The following CDKL4 variants were observed in gnomAD, a reference collection of about 807,000 sequenced individuals.
The protein encoded by CDKL4 is cyclin dependent kinase like 4.
A neutral mutation model predicts 42.0 loss-of-function variants in CDKL4; 44 were observed. That is an observed-to-expected ratio of 1.05 (90% CI 0.82 to 1.35). CDKL4 has a LOEUF of 1.35. Among genes scored for constraint, CDKL4 ranks in the 40% most tolerant of loss-of-function variants. The pLI, the probability that CDKL4 is intolerant of heterozygous loss-of-function variation, is 0.00. For missense variants in CDKL4, 393 were observed against 369.9 expected, an observed-to-expected ratio of 1.06 and a Z score of -0.51; for synonymous variants, 120 against 121.6, an observed-to-expected ratio of 0.99 and a Z score of 0.09.
In CDKL4 at chr2:39,201,541, T is replaced by G. The variant is rs542573592; in HGVS notation, c.454+2986A>C. Among the ~76,000 whole-genome samples the G allele has an allele frequency of 5.5e-4, 84 of 152,156 alleles. 1 individual carries two copies. In the South Asian group the frequency reaches 0.017, roughly 32 times the overall value. On this transcript the variant is annotated intron_variant, in intron 5 of 9. Coordinates refer to ENST00000451199, the Ensembl canonical transcript of CDKL4. The stretch of plus-strand genomic sequence containing the variant: ...ACACGCATGTTTACAGCAGCACATT[T>G]GCAATTGAAAAAATATGGAACCAGC...
intron 5 of CDKL4, among the ~76,000 whole-genome samples, chr2:39,199,057 C>CT (rs1275157491): frequency 6.6e-6 from 1 of 151,764 alleles, no homozygotes; most frequent in African/African-American, 2.4e-5. Flanking sequence ...AAATCTGGTT[C>CT]TTTGAAAAGA....
intron 3 of CDKL4, among the ~76,000 whole-genome samples, chr2:39,222,982 G>T (rs1439617147): frequency 6.6e-6 from 1 of 151,988 alleles, no homozygotes; most frequent in Non-Finnish European, 1.5e-5. Flanking sequence ...TATTTTAAAA[G>T]TAATATATGT....
At chr2:39,174,144 C>T (rs1675076301), downstream of CDKL4, among the ~76,000 whole-genome samples, 3 of 152,214 alleles carry the variant, frequency 2.0e-5, no homozygotes, top group South Asian at 6.2e-4. Flanking sequence ...TTGGCGCACT[C>T]CCGTAATCCC....
chr2:39,178,928 T>A, intron 9 of CDKL4: 3 of 1,448,332 alleles, frequency 2.1e-6, no homozygotes, highest in Non-Finnish European at 2.7e-6. Context: ...GGGTGGGATA[T>A]CCAATCAGAG....
At chr2:39,171,179 C>A (rs1045764747), downstream of CDKL4, among the ~76,000 whole-genome samples, 19 of 150,032 alleles carry the variant, frequency 1.3e-4, no homozygotes, top group African/African-American at 4.4e-4. Flanking sequence ...GTGGAGGCTG[C>A]AGTTAGCTGA....
chr2:39,180,518 C>CT (rs201517137), intron 8 of CDKL4, among the ~76,000 whole-genome samples: 10,735 of 152,064 alleles, frequency 0.071, 1,277 homozygotes, highest in African/African-American at 0.25. Context: ...CTTCAAGAAA[C>CT]AATCCTGCTC....
chr2:39,228,627 C>A (rs1380532977), intron 2 of CDKL4, among the ~76,000 whole-genome samples: 1 of 152,138 alleles, frequency 6.6e-6, no homozygotes, highest in Non-Finnish European at 1.5e-5. Context: ...TCGGGCCCAC[C>A]CCAGACCTCC....
chr2:39,173,670 C>T (rs753003704), downstream of CDKL4, among the ~76,000 whole-genome samples: 4 of 151,836 alleles, frequency 2.6e-5, no homozygotes, highest in Non-Finnish European at 4.4e-5. Context: ...ATTAGTCGGG[C>T]GTGGTGGTGG....
intron 7 of CDKL4, among the ~76,000 whole-genome samples, chr2:39,185,252 A>C (rs1572945962): frequency 1.3e-5 from 1 of 76,300 alleles, no homozygotes. Flanking sequence ...ATATATACAC[A>C]TATGTATATA....
chr2:39,240,770 A>ATTT (rs1679622195), intron 1 of CDKL4, among the ~76,000 whole-genome samples: 3 of 152,130 alleles, frequency 2.0e-5, no homozygotes. Context: ...ATATTTTATA[A>ATTT]TTCCATTACA....
intron 1 of CDKL4, among the ~76,000 whole-genome samples, chr2:39,231,832 A>ACT (rs754834032): frequency 3.9e-5 from 6 of 152,228 alleles, no homozygotes; most frequent in Non-Finnish European, 8.8e-5. Flanking sequence ...TGGGAAGATC[A>ACT]CTTGAGCCCA....
intron 1 of CDKL4, among the ~76,000 whole-genome samples, chr2:39,239,448 C>T (rs1679540488): frequency 6.6e-6 from 1 of 152,052 alleles, no homozygotes. Flanking sequence ...AAAATATTAG[C>T]AAATCTTATA....
intron 5 of CDKL4, among the ~76,000 whole-genome samples, chr2:39,200,693 T>G (rs762007587): frequency 6.6e-6 from 1 of 152,068 alleles, no homozygotes; most frequent in African/African-American, 2.4e-5. Context: ...CAAATACTTA[T>G]AGTCAAATGA....
At chr2:39,238,733 ACTTT>A in intron 1 of CDKL4, among the ~76,000 whole-genome samples, 2 of 152,102 alleles carry the variant, frequency 1.3e-5, no homozygotes, top group South Asian at 4.1e-4. Context: ...TGGTCAATTG[ACTTT>A]TAAAATTTTA....
chr2:39,196,255 A>T (rs562588870), intron 5 of CDKL4, among the ~76,000 whole-genome samples: 24 of 152,344 alleles, frequency 1.6e-4, no homozygotes, highest in Middle Eastern at 6.8e-3. Context: ...AAGGACCCTC[A>T]TAGAGTCCAC....
exon 2 of CDKL4, chr2:39,229,522 T>C: frequency 6.2e-7 from 1 of 1,604,136 alleles, no homozygotes; most frequent in Non-Finnish European, 8.5e-7. Flanking sequence ...TAATTTTTCA[T>C]ACTTTTCCAT....
At chr2:39,204,185 C>T (rs1165133608) in intron 5 of CDKL4, among the ~76,000 whole-genome samples, 5 of 152,172 alleles carry the variant, frequency 3.3e-5, no homozygotes, top group Non-Finnish European at 5.9e-5. Context: ...TCCAGGGAAC[C>T]GTCTGCACCT....
chr2:39,244,700 C>T (rs1341837373), upstream of CDKL4, among the ~76,000 whole-genome samples: 1 of 152,246 alleles, frequency 6.6e-6, no homozygotes, highest in East Asian at 1.9e-4. Flanking sequence ...CACCTGCAGC[C>T]CCTGTGCGGG....
At chr2:39,206,639 A>C (rs1343974157) in intron 4 of CDKL4, among the ~76,000 whole-genome samples, 1 of 152,168 alleles carries the variant, frequency 6.6e-6, no homozygotes, top group East Asian at 1.9e-4. Context: ...AATGGATGAA[A>C]ATAATATCGA....
Sources: allele counts gnomAD v4.1 joint callset (sites outside exome capture counted in the v4.1 genomes callset), GRCh38; gene constraint gnomAD v4.1.1; transcripts MANE v1.5; gene names NCBI Gene and HGNC (gene_info 2026-07-23, HGNC 2026-07-21).